Variants in KSR1 observed in about 807,000 individuals in gnomAD.
The protein encoded by KSR1 is kinase suppressor of ras.
In KSR1, 35 loss-of-function variants were observed where a neutral mutation model predicts 92.9. That is an observed-to-expected ratio of 0.38 (90% CI 0.29 to 0.50). KSR1 has a LOEUF of 0.50. KSR1 is among the 20% of genes least tolerant of loss of function. KSR1 has a pLI of 0.94. For missense variants in KSR1, 972 were observed against 1,158.5 expected (o/e 0.84, Z 2.34); for synonymous variants, 467 against 472.6 (o/e 0.99, Z 0.15).
Position 27,597,342 on chromosome 17 carries a change from ACCGGCGCCCTTC to A in KSR1, c.1378_1389del (p.Ala460_Pro463del). 6.2e-7 allele frequency: 1 copy of A among 1,612,968 alleles called. No homozygotes were observed. On this transcript the variant is annotated inframe_deletion, in exon 10 of 21. Coordinates refer to ENST00000644974, the MANE Select transcript of KSR1 (RefSeq NM_001394583.1). Reference sequence around the variant, plus strand: ...CCACCACCTCCTCCACACCCTCCTCACCGGCGCCCTTCCCGACATCATCCAACCCATCCAGCG... The same window carrying A: ...CCACCACCTCCTCCACACCCTCCTCACCGACATCATCCAACCCATCCAGCG...
intron 14 of KSR1, among the ~76,000 whole-genome samples, chr17:27,607,353 T>G (rs2073786504): frequency 1.3e-5 from 2 of 152,018 alleles, no homozygotes; most frequent in African/African-American, 4.8e-5. Flanking sequence ...CACCCGGGGT[T>G]TTAGGAGTTG....
At chr17:27,530,175 CA>C (rs1308278102) in intron 1 of KSR1, among the ~76,000 whole-genome samples, 1 of 152,224 alleles carries the variant, frequency 6.6e-6, no homozygotes, top group African/African-American at 2.4e-5. Context: ...AAAGACCCAG[CA>C]GGGGCTGGGC....
At chr17:27,573,516 A>G (rs2072388352) in intron 2 of KSR1, among the ~76,000 whole-genome samples, 1 of 152,290 alleles carries the variant, frequency 6.6e-6, no homozygotes, top group South Asian at 2.1e-4. Context: ...ACTTGTGCCA[A>G]TCAAATGTAG....
intron 18 of KSR1, chr17:27,612,569 T>C (rs1271231543): frequency 6.6e-6 from 1 of 152,256 alleles, no homozygotes; most frequent in African/African-American, 2.4e-5. Flanking sequence ...GTGACTCTCT[T>C]TTGATTCTGA....
At chr17:27,603,610 C>A (rs1422096692) in intron 11 of KSR1, among the ~76,000 whole-genome samples, 8 of 152,194 alleles carry the variant, frequency 5.3e-5, no homozygotes, top group Admixed American at 5.2e-4. Flanking sequence ...AGAGCCCCTT[C>A]CTGAGACACA....
In KSR1 at chr17:27,577,869, T is replaced by G. The variant is rs2072580092; in HGVS notation, c.520+230T>G. On this transcript the variant is annotated intron_variant, in intron 3 of 20. Transcript: ENST00000644974. This position sits in a 1 kb window ranked among gnomAD's most constrained non-coding sequence, Gnocchi z 4.5. ...GAATCTGAGGGGTTTCAGCCATGGT[T>G]AGAAATCCCAGGCCTGTCTGCTGGG... 1 of 670,728 alleles carries G rather than the reference T, an allele frequency of 1.5e-6. No homozygotes were observed. The highest frequency in any genetic ancestry group is 2.7e-6 in the Non-Finnish European group (1 of 368,950). The allele number at this position is 670,728 out of a possible 1,614,324, so 41.5% of individuals were successfully genotyped here.
At chr17:27,596,107 A>G (rs1015232987) in intron 9 of KSR1, among the ~76,000 whole-genome samples, 1 of 152,178 alleles carries the variant, frequency 6.6e-6, no homozygotes, top group Admixed American at 6.5e-5. Context: ...AATCATCACT[A>G]TCGTAATTGG....
chr17:27,465,022 GT>G (rs1031199520), intron 1 of KSR1: 4 of 152,240 alleles, frequency 2.6e-5, no homozygotes, highest in African/African-American at 9.7e-5. Flanking sequence ...TAGTCAAAGG[GT>G]TGGACACGGC....
At position 27,559,736 on chromosome 17, in the gene KSR1, C is replaced by T. The variant is rs1262752996; in HGVS notation, c.372+9028C>T. Among the ~76,000 whole-genome samples, 2 of 152,170 alleles carry T rather than the reference C, an allele frequency of 1.3e-5. No homozygotes were observed. The highest frequency in any genetic ancestry group is 2.9e-5 in the Non-Finnish European group (2 of 68,024). ...CTCATCCTGGGTAGTCAGGGAAAGACGGATGTCCGGGAAGGCAAGAGCACA... is the reference window on the plus strand; with the variant it reads ...CTCATCCTGGGTAGTCAGGGAAAGATGGATGTCCGGGAAGGCAAGAGCACA... On this transcript the variant is annotated intron_variant, in intron 2 of 20. Coordinates refer to ENST00000644974, the MANE Select transcript of KSR1 (RefSeq NM_001394583.1). This position sits in a 1 kb window ranked among gnomAD's most constrained non-coding sequence, Gnocchi z 4.2.
At chr17:27,489,595 G>T (rs2068762113) in intron 1 of KSR1, among the ~76,000 whole-genome samples, 1 of 152,108 alleles carries the variant, frequency 6.6e-6, no homozygotes, top group African/African-American at 2.4e-5. Flanking sequence ...AAAAGTTCTG[G>T]CTCTTCTCTT....
chr17:27,535,252 A>C (rs991735789), intron 1 of KSR1, among the ~76,000 whole-genome samples: 2 of 152,136 alleles, frequency 1.3e-5, no homozygotes, highest in Non-Finnish European at 2.9e-5. Flanking sequence ...TGCAGTGAGG[A>C]TCAGATGAGG....
chr17:27,582,512 G>T (rs2151167856), intron 3 of KSR1, 134 bp from the exon 4 acceptor site: 2 of 754,066 alleles, frequency 2.7e-6, no homozygotes, highest in South Asian at 1.8e-5. Context: ...CCAGGTAAAG[G>T]TTGGTAGTTG....
At position 27,594,027 on chromosome 17, in the gene KSR1, C is replaced by T. The variant is rs111264208; in HGVS notation, c.1299+1401C>T. ...AGGCTCCAGCTCCCAGTACCACCTC[C>T]TTGGGTGCTAGGGTTTCAGCATGTG... On this transcript the variant is annotated intron_variant, in intron 9 of 20. Transcript: ENST00000644974. Among the ~76,000 whole-genome samples the T allele has an allele frequency of 4.0e-3, 604 of 152,258 alleles. 5 individuals are homozygous for T. Among genetic ancestry groups the T allele is most frequent in the African/African-American group, 0.014 (566 of 41,544 alleles).
At chr17:27,461,255 G>GCA (rs1320852961) in intron 1 of KSR1, among the ~76,000 whole-genome samples, 3 of 151,990 alleles carry the variant, frequency 2.0e-5, no homozygotes, top group African/African-American at 7.3e-5. Flanking sequence ...TAATTTTCGT[G>GCA]TTTTTAGTAG....
At chr17:27,539,905 C>T (rs1275952546) in intron 1 of KSR1, among the ~76,000 whole-genome samples, 1 of 152,234 alleles carries the variant, frequency 6.6e-6, no homozygotes, top group Non-Finnish European at 1.5e-5. Context: ...CTGTATTAGG[C>T]TGTTAGGTCA....
Position 27,462,438 on chromosome 17 carries a change from G to C in KSR1, c.231+5564G>C, listed in dbSNP as rs1159010666. Among the ~76,000 whole-genome samples, 8 of 152,258 alleles carry C rather than the reference G, an allele frequency of 5.3e-5. No homozygotes were observed. The South Asian group carries it at 1.2e-3, about 24-fold the overall frequency. On this transcript the variant is annotated intron_variant, in intron 1 of 20. Coordinates refer to ENST00000644974, the MANE Select transcript of KSR1 (RefSeq NM_001394583.1). Reference sequence around the variant, plus strand: ...TCAACTCTAGATGTTTGGGCTTCCTGGTGGCCACCCAGGCTGTGCAGCCTC... The same window carrying C: ...TCAACTCTAGATGTTTGGGCTTCCTCGTGGCCACCCAGGCTGTGCAGCCTC...
chr17:27,567,559 G>T (rs1417614978), intron 2 of KSR1, among the ~76,000 whole-genome samples: 1 of 152,200 alleles, frequency 6.6e-6, no homozygotes, highest in Admixed American at 6.5e-5. Flanking sequence ...GCCCAGAGCC[G>T]CATTGCTTCT....
intron 1 of KSR1, among the ~76,000 whole-genome samples, chr17:27,503,027 C>T (rs1040461804): frequency 2.6e-5 from 4 of 152,156 alleles, no homozygotes; most frequent in Non-Finnish European, 5.9e-5. Flanking sequence ...AAGGCATTTG[C>T]CTGTTGAATC....
intron 1 of KSR1, among the ~76,000 whole-genome samples, chr17:27,508,709 TTTTATTTATTTA>T (rs60879548): frequency 8.0e-5 from 11 of 138,330 alleles, no homozygotes; most frequent in Admixed American, 2.2e-4. Context: ...CCTGAATTTT[TTTTATTTATTTA>T]TTTATTTATT....
Sources: allele counts gnomAD v4.1 joint callset (sites outside exome capture counted in the v4.1 genomes callset), GRCh38; gene constraint gnomAD v4.1.1; non-coding constraint Gnocchi (gnomAD v3.1); transcripts MANE v1.5; gene names NCBI Gene and HGNC (gene_info 2026-07-23, HGNC 2026-07-21).